RRBP1: variants seen among roughly 807,000 people sequenced by gnomAD.
RRBP1 encodes ribosome-binding protein 1.
RRBP1 carries 94 observed loss-of-function variants against 165.2 expected under a neutral mutation model. The observed-to-expected ratio is 0.57, with a 90% CI of 0.48 to 0.68. The LOEUF (loss-of-function observed/expected upper bound fraction) is 0.68. Ranked by LOEUF, RRBP1 falls within the 30% of genes least tolerant of loss-of-function variation. RRBP1 has a pLI of 0.00. For missense variants in RRBP1, 1,676 were observed against 1,763.0 expected (o/e 0.95, Z 0.88); for synonymous variants, 680 against 714.5 (o/e 0.95, Z 0.77).
chr20:17,652,144 C>T (rs1419101250), intron 3 of RRBP1, among the ~76,000 whole-genome samples: 1 of 152,210 alleles, frequency 6.6e-6, no homozygotes, highest in African/African-American at 2.4e-5. Context: ...CTGCACAGAC[C>T]GGCTAGTGAT....
chr20:17,629,770 T>G, intron 9 of RRBP1, 53 bp downstream of exon 9: 2 of 1,544,908 alleles, frequency 1.3e-6, no homozygotes, highest in Non-Finnish European at 1.7e-6. Context: ...TGGGCCGGCA[T>G]GCAGACCCAG....
Position 17,648,200 on chromosome 20 carries a change from C to A in RRBP1, c.1913-5073G>T, listed in dbSNP as rs185334834. Among the ~76,000 whole-genome samples the A allele has an allele frequency of 1.1e-3, 163 of 151,884 alleles. 1 individual carries two copies. Among genetic ancestry groups the A allele is most frequent in the African/African-American group, 3.5e-3 (146 of 41,480 alleles). On this transcript the variant is annotated intron_variant, in intron 3 of 24. Transcript: ENST00000377813. ...ACGCTCTCTAGGGAGGAGCTCCGGC[C>A]AACATCACTGCTGGCCTCTAACTGC... is the stretch of plus-strand genomic sequence containing the variant.
chr20:17,619,086 C>T (rs2035857854), intron 19 of RRBP1: 2 of 160,206 alleles, frequency 1.2e-5, no homozygotes, highest in African/African-American at 2.7e-5. Context: ...GTGTGCCTGG[C>T]TTTTTTTTTT....
chr20:17,648,136 C>T (rs550408268), intron 3 of RRBP1, among the ~76,000 whole-genome samples: 3 of 152,320 alleles, frequency 2.0e-5, no homozygotes, highest in Non-Finnish European at 4.4e-5. Context: ...CCTGAGGAGC[C>T]GGCTCCCTTC....
intron 13 of RRBP1, 46 bp from the exon 14 acceptor site, chr20:17,621,993 TGTGGG>T: frequency 1.2e-5 from 18 of 1,466,606 alleles, no homozygotes; most frequent in Non-Finnish European, 1.5e-5. Context: ...GCTGTGGAGG[TGTGGG>T]GCACCTCCCC....
At chr20:17,638,476 C>T (rs577967882) in intron 5 of RRBP1, among the ~76,000 whole-genome samples, 2 of 152,302 alleles carry the variant, frequency 1.3e-5, no homozygotes, top group East Asian at 3.9e-4. Flanking sequence ...GGTCTGCAGA[C>T]CCCTATCTCC....
In RRBP1 at chr20:17,620,575, C is replaced by T. The variant is rs115188523; in HGVS notation, c.3507+140G>A. ...TGGAGGACGGACTGAGCTGTCATCC[C>T]GCAACTGTGCTTCATAGGGTGTCGT... On this transcript the variant is annotated intron_variant, in intron 17 of 24. Coordinates refer to ENST00000377813, the MANE Select transcript of RRBP1 (RefSeq NM_001365613.2). 1.6e-3 allele frequency: 1,254 copies of T among 801,720 alleles called. 12 individuals carry two copies. The African/African-American group carries it at 0.018, about 12-fold the overall frequency. The allele number at this position is 801,720 out of a possible 1,614,324, so 49.7% of individuals were successfully genotyped here. A position where few individuals can be genotyped will look rare whatever the true frequency, so the allele number is the denominator to read the frequency against.
chr20:17,635,845 C>T (rs2036237366), intron 6 of RRBP1, among the ~76,000 whole-genome samples, 181 bp from the exon 7 acceptor site: 1 of 152,208 alleles, frequency 6.6e-6, no homozygotes. Flanking sequence ...GAAGCTTAAG[C>T]GGCCAAGCAT....
chr20:17,679,052 A>C lies in RRBP1; in HGVS notation c.-22+947T>G, dbSNP rs534621698. Among the ~76,000 whole-genome samples, 3 of 152,292 alleles carry C rather than the reference A, an allele frequency of 2.0e-5. No homozygotes were observed. The South Asian group carries it at 6.2e-4, about 32-fold the overall frequency. Reference sequence around the variant, plus strand: ...TATATAGCCAGGAGGGAACATTTGGAAGGCCGGGCCCACATCGCCTAGCAA... The same window carrying C: ...TATATAGCCAGGAGGGAACATTTGGCAGGCCGGGCCCACATCGCCTAGCAA... On this transcript the variant is annotated intron_variant, in intron 2 of 24. Coordinates refer to ENST00000377813, the MANE Select transcript of RRBP1 (RefSeq NM_001365613.2).
At chr20:17,669,012 C>A (rs1471763688) in intron 2 of RRBP1, among the ~76,000 whole-genome samples, 1 of 150,794 alleles carries the variant, frequency 6.6e-6, no homozygotes, top group African/African-American at 2.5e-5. Flanking sequence ...AGTGCAATCT[C>A]TGATTTTTTT....
rs762232606 is a variant in RRBP1, at chr20:17,643,111, G to A, written c.1929C>T (p.Asp643=). Residue 643 remains aspartate (D), a synonymous_variant, in exon 4 of 25, where the codon GAC becomes GAT. Transcript: ENST00000377813. This position sits in a 1 kb window ranked among gnomAD's most constrained non-coding sequence, Gnocchi z 4.3. The part of the protein sequence containing the change: ...KKGEPGPPDA[D]GPLYLPYKTL... ...TCTTGTAGGGGAGGTAGAGAGGGCC[G>A]TCGGCATCTGGGGGCCCTGTGCAGC... 46 of 1,613,818 alleles carry A rather than the reference G, an allele frequency of 2.9e-5. No individual in the cohort carries two copies. Among genetic ancestry groups the A allele is most frequent in the Middle Eastern group, 1.6e-4 (1 of 6,084 alleles).
At chr20:17,630,585 T>C (rs971198857) in intron 8 of RRBP1, among the ~76,000 whole-genome samples, 4 of 152,152 alleles carry the variant, frequency 2.6e-5, no homozygotes, top group Non-Finnish European at 5.9e-5. Context: ...AGAGCTTCAG[T>C]GTTTGCCCAG....
At chr20:17,650,785 T>C (rs1374018226) in intron 3 of RRBP1, among the ~76,000 whole-genome samples, 1 of 152,206 alleles carries the variant, frequency 6.6e-6, no homozygotes, top group African/African-American at 2.4e-5. Context: ...ACAGCTCTCC[T>C]GCCAGTGTAA....
In RRBP1 at chr20:17,627,575, G is replaced by C; in HGVS notation, c.2857C>G (p.Leu953Val). Reference sequence around the variant, plus strand: ...TCAATGGAACGGATTCTCTCTGTGAGCTGGGAGTTCTCCGCCCTGGCCTCC... The same window carrying C: ...TCAATGGAACGGATTCTCTCTGTGACCTGGGAGTTCTCCGCCCTGGCCTCC... Reference protein sequence around the residue: ...LQEARAENSQLTERIRSIEAL... With the variant: ...LQEARAENSQVTERIRSIEAL... The change falls in exon 10 of 25, where the codon CTC (leucine) becomes GTC (valine). Residue 953 changes from leucine (L) to valine (V), a missense_variant. Around this residue, in one of 5 missense-constraint regions of RRBP1, gnomAD observed 1,184 missense variants for 1,167.1 expected, o/e 1.01. Transcript: ENST00000377813. 6.2e-7 allele frequency: 1 copy of C among 1,613,574 alleles called. No homozygotes were observed. The highest frequency in any genetic ancestry group is 8.5e-7 in the Non-Finnish European group (1 of 1,179,956).
At chr20:17,623,515 T>C (rs945086890) in intron 13 of RRBP1, among the ~76,000 whole-genome samples, 2 of 152,142 alleles carry the variant, frequency 1.3e-5, no homozygotes, top group African/African-American at 4.8e-5. Context: ...AAGCAACCCG[T>C]GGGCTCAGAC....
At chr20:17,627,754 G>A (rs2036058152) in intron 9 of RRBP1, 72 bp from the exon 10 acceptor site, 4 of 1,437,144 alleles carry the variant, frequency 2.8e-6, no homozygotes, top group Non-Finnish European at 2.8e-6. Context: ...TGCCCTCACT[G>A]CTGCCCTCTT....
chr20:17,676,097 T>C (rs1457225334), intron 2 of RRBP1, among the ~76,000 whole-genome samples: 1 of 152,216 alleles, frequency 6.6e-6, no homozygotes, highest in Non-Finnish European at 1.5e-5. Context: ...TGGTACCAGC[T>C]ACCCAGGAGG....
chr20:17,626,446 A>T (rs988847014), intron 11 of RRBP1, among the ~76,000 whole-genome samples: 3 of 152,208 alleles, frequency 2.0e-5, no homozygotes, highest in African/African-American at 7.2e-5. Context: ...CAAGCCGCAG[A>T]GCCCAAATGC....
chr20:17,677,667 C>A (rs575667675), intron 2 of RRBP1, among the ~76,000 whole-genome samples: 2 of 152,106 alleles, frequency 1.3e-5, no homozygotes, highest in Non-Finnish European at 1.5e-5. Context: ...TGGTGAAACC[C>A]CGTCTCTACT....
Sources: gnomAD v4.1 joint callset for allele counts (sites outside exome capture counted in the v4.1 genomes callset) on GRCh38, gnomAD v4.1.1 for gene constraint, gnomAD v4.1.1 regional missense constraint, Gnocchi (gnomAD v3.1) non-coding constraint, MANE v1.5 for transcripts, NCBI Gene and HGNC (gene_info 2026-07-23, HGNC 2026-07-21) for gene names.